CCDC88C: variants seen among roughly 807,000 people sequenced by gnomAD.
CCDC88C encodes coiled-coil and HOOK domain protein 88C, also known as protein Daple.
A neutral mutation model predicts 198.8 loss-of-function variants in CCDC88C; 131 were observed. That is an observed-to-expected ratio of 0.66 (90% confidence interval 0.57 to 0.76). CCDC88C has a LOEUF of 0.76. Among genes scored for constraint, CCDC88C ranks in the 30% least tolerant of loss-of-function variants. The pLI is 0.00. For synonymous variants in CCDC88C, 1,166 were observed against 1,114.7 expected (o/e 1.05, Z -0.92); for missense variants, 2,553 against 2,631.6 (o/e 0.97, Z 0.65).
rs527584577 is a variant in CCDC88C at position 91,301,839 on chromosome 14, C to T, written c.3636-1769G>A. ...GCATCATGCTAGTATCAGACTTACACGAATGCTTCATTAGTTTGTCAGCTG... is the reference window on the plus strand; with the variant it reads ...GCATCATGCTAGTATCAGACTTACATGAATGCTTCATTAGTTTGTCAGCTG... On this transcript the variant is annotated intron_variant, in intron 20 of 29. Transcript: ENST00000389857. 2.4e-4 allele frequency among the ~76,000 whole-genome samples: 37 copies of T among 152,348 alleles called. 1 individual carries two copies. The South Asian group carries it at 4.3e-3, about 18-fold the overall frequency.
chr14:91,375,708 G>A (rs935546915), intron 3 of CCDC88C, among the ~76,000 whole-genome samples: 2 of 152,162 alleles, frequency 1.3e-5, no homozygotes, highest in Admixed American at 6.5e-5. Context: ...GCCCTGCCTC[G>A]GCAGCAAGTG....
chr14:91,389,026 G>C lies in CCDC88C; in HGVS notation c.270+19633C>G, dbSNP rs550435424. ...GCACCGAGGGTCCTGATTCTGCTCA[G>C]CCTGTCAGAATATTAGTCTGCACGC... On this transcript the variant is annotated intron_variant, in intron 3 of 29. Transcript: ENST00000389857. Among the ~76,000 whole-genome samples, 3 of 152,322 alleles carry C rather than the reference G, an allele frequency of 2.0e-5. No homozygotes were observed. The East Asian group carries it at 5.8e-4, about 29-fold the overall frequency.
At chr14:91,316,032 G>A (rs904391257) in intron 13 of CCDC88C, among the ~76,000 whole-genome samples, 1 of 152,148 alleles carries the variant, frequency 6.6e-6, no homozygotes, top group African/African-American at 2.4e-5. Context: ...GCTGCCATGT[G>A]CTCCACCGCC....
At position 91,339,387 on chromosome 14, in the gene CCDC88C, C is replaced by T. The variant is rs1011345389; in HGVS notation, c.700G>A (p.Ala234Thr). The change falls in exon 8 of 30, where the codon GCC becomes ACC. Residue 234 changes from alanine (A) to threonine (T), a missense_variant. Ala to Thr is a moderately conservative substitution (Grantham distance 58, BLOSUM62 0). This residue lies in a region of CCDC88C where 1,260 missense variants were observed against 1,412.0 expected (regional missense o/e 0.89). Transcript: ENST00000389857. The surrounding 1 kb of genome is among the most constrained non-coding windows in gnomAD (Gnocchi z 5.8). Reference protein sequence around the residue: ...HPPSPIKSSSADSTPSPTSSL... With the variant: ...HPPSPIKSSSTDSTPSPTSSL... The stretch of plus-strand genomic sequence containing the variant: ...CTGGTGGGGCTGGGAGTGGAGTCGG[C>T]GCTGGAGGACTTGATGGGGCTGGGT... The T allele has an allele frequency of 9.9e-6, 16 of 1,613,266 alleles. No homozygotes were observed. Among genetic ancestry groups the T allele is most frequent in the African/African-American group, 6.7e-5 (5 of 74,874 alleles).
chr14:91,296,982 C>T (rs1259239362), intron 22 of CCDC88C, among the ~76,000 whole-genome samples: 1 of 152,190 alleles, frequency 6.6e-6, no homozygotes, highest in Non-Finnish European at 1.5e-5. Context: ...AGTGTGACTA[C>T]TGAACTGAAG....
Position 91,338,456 on chromosome 14 carries a change from C to A in CCDC88C, c.891+33G>T, listed in dbSNP as rs1285787. ...TACTGGACACTCCAGCCCTGCTACC[C>A]CCAGGACACACAGGCTCAGGCCCCC... is the stretch of plus-strand genomic sequence containing the variant. On this transcript the variant is annotated intron_variant, in intron 9 of 29. Coordinates refer to ENST00000389857, the MANE Select transcript of CCDC88C (RefSeq NM_001080414.4). This position sits in a 1 kb window ranked among gnomAD's most constrained non-coding sequence, Gnocchi z 4.8. 16,606 of 1,536,200 alleles carry A rather than the reference C, an allele frequency of 0.011. 128 individuals are homozygous for A. Among genetic ancestry groups the A allele is most frequent in the Middle Eastern group, 0.029 (169 of 5,800 alleles).
rs768391153 is a variant in CCDC88C at position 91,272,908 on chromosome 14, G to T, written c.5804C>A (p.Pro1935Gln). Residue 1935 changes from proline (P) to glutamine (Q), a missense_variant, in exon 30 of 30, where the codon CCG (proline) becomes CAG (glutamine). Physicochemically the swap from Pro to Gln is moderately conservative, Grantham distance 76 (BLOSUM62 -1). Coordinates refer to ENST00000389857, the MANE Select transcript of CCDC88C (RefSeq NM_001080414.4). The stretch of plus-strand genomic sequence containing the variant: ...CGCCTTGGGCTTGGTCCTGGCAGCC[G>T]GGGCTGCAGCAGGTGAGAAGTGCAG... ...QLLHFSPAAA[P>Q]AARTKPKAPP... 2.5e-6 allele frequency: 4 copies of T among 1,578,814 alleles called. No homozygotes were observed. The highest frequency in any genetic ancestry group is 1.3e-5 in the African/African-American group (1 of 74,384).
In CCDC88C at chr14:91,273,619, T is replaced by A. The variant is rs778723151; in HGVS notation, c.5093A>T (p.Asp1698Val). Residue 1698 changes from aspartate to valine, a missense_variant, in exon 30 of 30, where the codon GAC becomes GTC. Around this residue, in one of 2 missense-constraint regions of CCDC88C, gnomAD observed 1,293 missense variants for 1,219.6 expected, o/e 1.06. Coordinates refer to ENST00000389857, the MANE Select transcript of CCDC88C (RefSeq NM_001080414.4). This position sits in a 1 kb window ranked among gnomAD's most constrained non-coding sequence, Gnocchi z 5.6. Reference sequence around the variant, plus strand: ...GGGATCGCTGGCCTTTCGGAAGTAGTCACTCAGCAGGTCATCCCGGCAACT... The same window carrying A: ...GGGATCGCTGGCCTTTCGGAAGTAGACACTCAGCAGGTCATCCCGGCAACT... ...TPSCRDDLLSDYFRKASDPPA... is the reference protein window; with the variant it reads ...TPSCRDDLLSVYFRKASDPPA... 6.7e-7 allele frequency: 1 copy of A among 1,489,614 alleles called. No individual in the cohort carries two copies. The highest frequency in any genetic ancestry group is 2.4e-5 in the Admixed American group (1 of 41,802). The allele number at this position is 1,489,614 out of a possible 1,614,324, so 92.3% of individuals were successfully genotyped here. A position where few individuals can be genotyped will look rare whatever the true frequency, so the allele number is the denominator to read the frequency against.
Position 91,273,259 on chromosome 14 carries a change from G to A in CCDC88C, c.5453C>T (p.Pro1818Leu), listed in dbSNP as rs745772610. 4 of 1,558,088 alleles carry A rather than the reference G, an allele frequency of 2.6e-6. No homozygotes were observed. Among genetic ancestry groups the A allele is most frequent in the South Asian group, 1.2e-5 (1 of 84,840 alleles). The change falls in exon 30 of 30, where the codon CCA becomes CTA. Residue 1818 changes from proline to leucine, a missense_variant. Transcript: ENST00000389857. The surrounding 1 kb of genome is among the most constrained non-coding windows in gnomAD (Gnocchi z 5.6). Reference protein sequence around the residue: ...ASADLLRASGPEACKQESPQK... With the variant: ...ASADLLRASGLEACKQESPQK... ...AGGGGACTCCTGTTTGCAGGCCTCT[G>A]GCCCGCTGGCCCGGAGAAGGTCAGC...
intron 21 of CCDC88C, among the ~76,000 whole-genome samples, chr14:91,298,524 A>G (rs368547412): frequency 2.6e-5 from 4 of 151,176 alleles, no homozygotes; most frequent in African/African-American, 9.7e-5. Context: ...GCAAGATCCC[A>G]TCTCAAAAAA....
Position 91,272,337 on chromosome 14 carries a change from T to A in CCDC88C, c.*288A>T. On this transcript the variant is annotated 3_prime_UTR_variant, in exon 30 of 30. Transcript: ENST00000389857. ...TAGTGTCTGCTTTGGGGGAAGTCAG[T>A]TTGTCATTGCATCCTAATTGGTCCC... The A allele has an allele frequency of 2.3e-6, 1 of 434,842 alleles. No individual in the cohort carries two copies. The highest frequency in any genetic ancestry group is 2.8e-5 in the South Asian group (1 of 35,696). The allele number at this position is 434,842 out of a possible 1,614,324, so 26.9% of individuals were successfully genotyped here.
At chr14:91,366,499 A>T (rs1596118134) in intron 3 of CCDC88C, among the ~76,000 whole-genome samples, 1 of 134,180 alleles carries the variant, frequency 7.5e-6, no homozygotes, top group South Asian at 2.1e-4. Flanking sequence ...ATATAAAAAT[A>T]AAAAAAAACA....
rs1049859962 is a variant in CCDC88C at position 91,339,766 on chromosome 14, AC to A, written c.624+117del. The stretch of plus-strand genomic sequence containing the variant: ...TAACCAGGGAAAGCACGCACGTCCC[AC>A]CCCCACCAGAACCTCAGCAGCAGGA... On this transcript the variant is annotated intron_variant, in intron 7 of 29. Coordinates refer to ENST00000389857, the MANE Select transcript of CCDC88C (RefSeq NM_001080414.4). The surrounding 1 kb of genome is among the most constrained non-coding windows in gnomAD (Gnocchi z 5.8). 48 of 1,241,214 alleles carry A rather than the reference AC, an allele frequency of 3.9e-5. No homozygotes were observed. Among genetic ancestry groups the A allele is most frequent in the Non-Finnish European group, 3.8e-5 (35 of 920,570 alleles). 76.9% of individuals were successfully genotyped at this position (1,241,214 alleles called of 1,614,324 possible).
At position 91,272,430 on chromosome 14, in the gene CCDC88C, T is replaced by TA. The variant is rs1889773789; in HGVS notation, c.*194dup. ...GAAGCGGCAGACACAGAAAACACGT[T>TA]ACACACCTGGAAGCGTAATCCTCTT... On this transcript the variant is annotated 3_prime_UTR_variant, in exon 30 of 30. Transcript: ENST00000389857. 3 of 590,798 alleles carry TA rather than the reference T, an allele frequency of 5.1e-6. No individual in the cohort carries two copies. Among genetic ancestry groups the TA allele is most frequent in the Non-Finnish European group, 8.7e-6 (3 of 343,094 alleles). 36.6% of individuals were successfully genotyped at this position (590,798 alleles called of 1,614,324 possible).
At chr14:91,392,967 G>A (rs544887982) in intron 3 of CCDC88C, among the ~76,000 whole-genome samples, 2 of 152,154 alleles carry the variant, frequency 1.3e-5, no homozygotes, top group African/African-American at 2.4e-5. Flanking sequence ...CTCACATAGC[G>A]AAAAAGGAAA....
rs72092966 is a variant in CCDC88C at position 91,328,039 on chromosome 14, GGACT to G, written c.1051-1987_1051-1984del. On this transcript the variant is annotated intron_variant, in intron 10 of 29. Coordinates refer to ENST00000389857, the MANE Select transcript of CCDC88C (RefSeq NM_001080414.4). ...TCCCCCAGACCAGGAACCTCAGGCA[GGACT>G]GTTGTGCTTTTGCTCTTGTGAGCCT... Among the ~76,000 whole-genome samples, 1,229 of 152,350 alleles carry G rather than the reference GGACT, an allele frequency of 8.1e-3. 7 individuals carry two copies. The highest frequency in any genetic ancestry group is 0.017 in the South Asian group (82 of 4,832).
chr14:91,328,304 C>T (rs1401935996), intron 10 of CCDC88C, among the ~76,000 whole-genome samples: 2 of 152,174 alleles, frequency 1.3e-5, no homozygotes, highest in Non-Finnish European at 2.9e-5. Flanking sequence ...TCTCGAGTGC[C>T]CTGCACACTG....
chr14:91,308,703 G>A (rs748842860), intron 16 of CCDC88C, among the ~76,000 whole-genome samples: 1 of 152,090 alleles, frequency 6.6e-6, no homozygotes, highest in Non-Finnish European at 1.5e-5. Flanking sequence ...ACCTTCAAAG[G>A]CGACACCACG....
At chr14:91,314,256 T>C in intron 14 of CCDC88C, 106 bp from the exon 15 acceptor site, 2 of 906,544 alleles carry the variant, frequency 2.2e-6, no homozygotes, top group South Asian at 1.7e-5. Flanking sequence ...ACGGCTGTCC[T>C]ACCTGTGCTC....
Sources: gnomAD v4.1 joint callset for allele counts (sites outside exome capture counted in the v4.1 genomes callset) on GRCh38, gnomAD v4.1.1 for gene constraint, gnomAD v4.1.1 regional missense constraint, Gnocchi (gnomAD v3.1) non-coding constraint, MANE v1.5 for transcripts, NCBI Gene and HGNC (gene_info 2026-07-23, HGNC 2026-07-21) for gene names.